The following MTHFD2L variants were observed in gnomAD, a reference collection of about 807,000 sequenced individuals.
The protein encoded by MTHFD2L is methylenetetrahydrofolate dehydrogenase (NADP+ dependent) 2 like.
MTHFD2L carries 29 observed loss-of-function variants against 34.9 expected under a neutral mutation model. The observed-to-expected ratio is 0.83, with a 90% CI of 0.62 to 1.13. The LOEUF (loss-of-function observed/expected upper bound fraction) is 1.13, where lower values mean the gene tolerates loss of function less well. Ranked by LOEUF, MTHFD2L falls within the 50% of genes most tolerant of loss-of-function variation. The pLI is 0.00. For synonymous variants in MTHFD2L, 167 were observed against 155.7 expected, an observed-to-expected ratio of 1.07 and a Z score of -0.54; for missense variants, 481 against 446.5, an observed-to-expected ratio of 1.08 and a Z score of -0.70.
chr4:74,200,033 C>A, intron 4 of MTHFD2L, 87 bp downstream of exon 4: 2 of 1,194,124 alleles, frequency 1.7e-6, no homozygotes, highest in Non-Finnish European at 2.4e-6. Context: ...TACCTCAGTC[C>A]TATAGAGTGA....
chr4:74,262,256 ATAAAT>A (rs1413710320), intron 6 of MTHFD2L, among the ~76,000 whole-genome samples: 1 of 152,144 alleles, frequency 6.6e-6, no homozygotes, highest in South Asian at 2.1e-4. Flanking sequence ...GATAAAGAAC[ATAAAT>A]TAAAAACAAC....
chr4:74,148,145 G>C (rs1417428452), intron 1 of MTHFD2L, among the ~76,000 whole-genome samples: 1 of 151,822 alleles, frequency 6.6e-6, no homozygotes, highest in Non-Finnish European at 1.5e-5. Flanking sequence ...GAATGATATT[G>C]GCACCATGTC....
chr4:74,299,360 A>G (rs1157465219), intron 7 of MTHFD2L, among the ~76,000 whole-genome samples: 2 of 151,618 alleles, frequency 1.3e-5, no homozygotes, highest in Non-Finnish European at 2.9e-5. Context: ...TAGTAGTGTA[A>G]ATAGTAGTAG....
At chr4:74,134,552 A>G (rs888321348) in intron 1 of MTHFD2L, among the ~76,000 whole-genome samples, 1 of 152,188 alleles carries the variant, frequency 6.6e-6, no homozygotes, top group Non-Finnish European at 1.5e-5. Context: ...ATAATTATTA[A>G]TACAAATACA....
chr4:74,248,135 T>C (rs1272259611), intron 6 of MTHFD2L, among the ~76,000 whole-genome samples: 3 of 151,542 alleles, frequency 2.0e-5, no homozygotes, highest in Non-Finnish European at 4.4e-5. Flanking sequence ...TGGTAAGCTA[T>C]TGATTATTGC....
intron 3 of MTHFD2L, chr4:74,194,271 T>C (rs2110032677): frequency 6.6e-6 from 1 of 152,326 alleles, no homozygotes; most frequent in Non-Finnish European, 1.5e-5. Flanking sequence ...AACTACGGTG[T>C]TAGCCCCAAA....
chr4:74,179,436 A>G (rs775099767), intron 3 of MTHFD2L, among the ~76,000 whole-genome samples: 1 of 152,070 alleles, frequency 6.6e-6, no homozygotes, highest in Non-Finnish European at 1.5e-5. Flanking sequence ...AATGATAGCA[A>G]TGGGATTAAA....
At chr4:74,169,374 A>G (rs1326235461) in intron 1 of MTHFD2L, among the ~76,000 whole-genome samples, 2 of 152,200 alleles carry the variant, frequency 1.3e-5, no homozygotes, top group Non-Finnish European at 2.9e-5. Context: ...TAATTAGCCT[A>G]GATTATACTC....
chr4:74,178,713 A>G (rs1729527261), intron 3 of MTHFD2L, among the ~76,000 whole-genome samples: 1 of 152,242 alleles, frequency 6.6e-6, no homozygotes, highest in African/African-American at 2.4e-5. Context: ...TTATTACATT[A>G]TGACACTTTT....
At chr4:74,233,950 ATTT>A (rs1740475979) in intron 6 of MTHFD2L, among the ~76,000 whole-genome samples, 1 of 151,770 alleles carries the variant, frequency 6.6e-6, no homozygotes, top group African/African-American at 2.4e-5. Flanking sequence ...TATATGTACT[ATTT>A]CTGATTTTTC....
chr4:74,218,962 G>A (rs1439609443), intron 5 of MTHFD2L, among the ~76,000 whole-genome samples: 1 of 151,256 alleles, frequency 6.6e-6, no homozygotes, highest in African/African-American at 2.4e-5. Context: ...AAAAATATTA[G>A]AAAAAATATA....
chr4:74,184,120 C>T (rs1730698557), intron 3 of MTHFD2L, among the ~76,000 whole-genome samples: 1 of 152,034 alleles, frequency 6.6e-6, no homozygotes, highest in Non-Finnish European at 1.5e-5. Flanking sequence ...GTAGAATGAT[C>T]ACAGATATTC....
chr4:74,187,950 A>G (rs1488233991), intron 3 of MTHFD2L, among the ~76,000 whole-genome samples: 1 of 152,236 alleles, frequency 6.6e-6, no homozygotes, highest in African/African-American at 2.4e-5. Context: ...ACTAAAAACT[A>G]GAAACAACCC....
chr4:74,233,467 A>G (rs1421904988), intron 6 of MTHFD2L, among the ~76,000 whole-genome samples: 1 of 152,144 alleles, frequency 6.6e-6, no homozygotes, highest in Non-Finnish European at 1.5e-5. Flanking sequence ...CATGAGAATT[A>G]CATCCTTAGC....
chr4:74,227,582 C>T (rs1391887905), intron 6 of MTHFD2L, among the ~76,000 whole-genome samples: 1 of 151,700 alleles, frequency 6.6e-6, no homozygotes, highest in Non-Finnish European at 1.5e-5. Flanking sequence ...GAACACAGGT[C>T]TTTGACGGCT....
intron 3 of MTHFD2L, among the ~76,000 whole-genome samples, chr4:74,188,171 A>G (rs947837656): frequency 6.6e-5 from 10 of 152,230 alleles, no homozygotes; most frequent in Admixed American, 5.2e-4. Context: ...TAATGAATTG[A>G]CAGCATATCC....
chr4:74,127,187 G>A (rs1353052101), intron 1 of MTHFD2L, among the ~76,000 whole-genome samples: 1 of 152,126 alleles, frequency 6.6e-6, no homozygotes, highest in African/African-American at 2.4e-5. Flanking sequence ...TTATAGCAGT[G>A]TGAGACTGAA....
intron 6 of MTHFD2L, among the ~76,000 whole-genome samples, chr4:74,251,943 G>T (rs1346148356): frequency 6.6e-6 from 1 of 152,224 alleles, no homozygotes; most frequent in East Asian, 1.9e-4. Context: ...GAACAAATGA[G>T]TTCGGAACAC....
At chr4:74,220,063 TG>T (rs1202507091) in intron 5 of MTHFD2L, among the ~76,000 whole-genome samples, 1 of 148,762 alleles carries the variant, frequency 6.7e-6, no homozygotes, top group African/African-American at 2.5e-5. Context: ...CTGATGGAAA[TG>T]GGAAGTTTCA....
Sources: gnomAD v4.1 joint callset for allele counts (sites outside exome capture counted in the v4.1 genomes callset) on GRCh38, gnomAD v4.1.1 for gene constraint, MANE v1.5 for transcripts, NCBI Gene and HGNC (gene_info 2026-07-23, HGNC 2026-07-21) for gene names.